The following ASAP2 variants were observed in gnomAD, a reference collection of about 807,000 sequenced individuals.
ASAP2 encodes the protein ArfGAP with SH3 domain, ankyrin repeat and PH domain 2.
Under a neutral mutation model 131.4 loss-of-function variants are expected in ASAP2, and 45 were observed. The observed-to-expected ratio is 0.34, with a 90% CI of 0.27 to 0.44. The LOEUF (loss-of-function observed/expected upper bound fraction) is 0.44, where lower values mean the gene tolerates loss of function less well. ASAP2 is among the 20% of genes least tolerant of loss of function. The pLI, the probability that ASAP2 is intolerant of heterozygous loss-of-function variation, is 1.00. For missense variants in ASAP2, 1,011 were observed against 1,297.0 expected (o/e 0.78, Z 3.39); for synonymous variants, 510 against 503.0 (o/e 1.01, Z -0.19).
Position 9,401,568 on chromosome 2 carries a change from C to G in ASAP2, c.2946+172C>G, listed in dbSNP as rs531642610. Among the ~76,000 whole-genome samples the G allele has an allele frequency of 1.2e-3, 185 of 152,286 alleles. 1 individual carries two copies. Among genetic ancestry groups the G allele is most frequent in the African/African-American group, 3.6e-3 (151 of 41,564 alleles). ...GGAGCTGCTTCCTCCATGGACACCCCCTTCTGAGCAGGCCTGATTATTCCC... is the reference window on the plus strand; with the variant it reads ...GGAGCTGCTTCCTCCATGGACACCCGCTTCTGAGCAGGCCTGATTATTCCC... On this transcript the variant is annotated intron_variant, in intron 27 of 27. Transcript: ENST00000281419.
intron 4 of ASAP2, among the ~76,000 whole-genome samples, chr2:9,319,086 G>A (rs765290857): frequency 4.1e-4 from 63 of 152,202 alleles, no homozygotes; most frequent in Admixed American, 6.5e-4. Flanking sequence ...TAAGCACGCA[G>A]GCCAGGAGCT....
At chr2:9,328,780 C>T (rs888949045) in intron 7 of ASAP2, among the ~76,000 whole-genome samples, 7 of 152,158 alleles carry the variant, frequency 4.6e-5, no homozygotes, top group Admixed American at 3.3e-4. Context: ...GGACCAGAGG[C>T]GAGAGACACA....
intron 1 of ASAP2, among the ~76,000 whole-genome samples, chr2:9,269,039 A>G (rs1310612073): frequency 6.6e-6 from 1 of 152,060 alleles, no homozygotes; most frequent in Non-Finnish European, 1.5e-5. Context: ...TGGATCCTTG[A>G]GGCCAGGGCT....
intron 1 of ASAP2, among the ~76,000 whole-genome samples, chr2:9,233,973 T>G (rs1663355653): frequency 6.6e-6 from 1 of 152,026 alleles, no homozygotes; most frequent in Non-Finnish European, 1.5e-5. Context: ...TAGCTGGTCG[T>G]GGTGACAGGC....
chr2:9,327,712 T>C (rs911505325), intron 6 of ASAP2, 114 bp from the exon 7 acceptor site: 2 of 710,896 alleles, frequency 2.8e-6, no homozygotes, highest in Non-Finnish European at 4.7e-6. Flanking sequence ...TCATGCACTC[T>C]ACGCATTGTA....
intron 15 of ASAP2, among the ~76,000 whole-genome samples, chr2:9,362,197 C>T (rs1183882806): frequency 6.6e-6 from 1 of 152,100 alleles, no homozygotes; most frequent in Non-Finnish European, 1.5e-5. Context: ...AGTTGCATGC[C>T]ATGCAGGGCC....
intron 18 of ASAP2, among the ~76,000 whole-genome samples, chr2:9,378,630 T>C (rs1355827759): frequency 6.6e-6 from 1 of 152,174 alleles, no homozygotes; most frequent in Non-Finnish European, 1.5e-5. Context: ...GACGCTGGGC[T>C]CTAGGTTCAC....
chr2:9,377,038 A>G, intron 18 of ASAP2, 45 bp downstream of exon 18: 1 of 1,541,100 alleles, frequency 6.5e-7, no homozygotes. Flanking sequence ...TCTCCTTGGT[A>G]TTTCTGGGGA....
intron 2 of ASAP2, among the ~76,000 whole-genome samples, chr2:9,295,016 T>C (rs1024242344): frequency 6.6e-6 from 1 of 152,162 alleles, no homozygotes; most frequent in Non-Finnish European, 1.5e-5. Flanking sequence ...ACCGCTAATT[T>C]TGAGATAGTT....
At chr2:9,375,585 G>A (rs894171742) in intron 17 of ASAP2, among the ~76,000 whole-genome samples, 3 of 152,150 alleles carry the variant, frequency 2.0e-5, no homozygotes, top group African/African-American at 4.8e-5. Context: ...TGAAATAGAC[G>A]CTATGTAGTC....
intron 2 of ASAP2, among the ~76,000 whole-genome samples, chr2:9,295,667 C>T (rs1668107673): frequency 6.6e-6 from 1 of 152,110 alleles, no homozygotes; most frequent in African/African-American, 2.4e-5. Flanking sequence ...TGTGTGTGCA[C>T]ATGTATGTTT....
intron 3 of ASAP2, among the ~76,000 whole-genome samples, chr2:9,298,516 G>C (rs1474821768): frequency 6.6e-6 from 1 of 152,174 alleles, no homozygotes; most frequent in Non-Finnish European, 1.5e-5. Flanking sequence ...AATCCCCTGG[G>C]GCTTTGGTCA....
In ASAP2 at chr2:9,263,299, A is replaced by G. The variant is rs192888170; in HGVS notation, c.127-16018A>G. 3.4e-5 allele frequency among the ~76,000 whole-genome samples: 5 copies of G among 148,452 alleles called. No homozygotes were observed. In the East Asian group the frequency reaches 1.0e-3, roughly 30 times the overall value. ...AGCTCAGTAATGTGGGTGTCAGGGA[A>G]CCCCAGGCCAGGCCCCCTTGTGCCA... is the stretch of plus-strand genomic sequence containing the variant. On this transcript the variant is annotated intron_variant, in intron 1 of 27. Coordinates refer to ENST00000281419, the MANE Select transcript of ASAP2 (RefSeq NM_003887.3).
Position 9,311,742 on chromosome 2 carries a change from C to T in ASAP2, c.346-6782C>T, listed in dbSNP as rs1175693316. On this transcript the variant is annotated intron_variant, in intron 3 of 27. Coordinates refer to ENST00000281419, the MANE Select transcript of ASAP2 (RefSeq NM_003887.3). This position sits in a 1 kb window ranked among gnomAD's most constrained non-coding sequence, Gnocchi z 5.2. ...GAGGCTGCTGGACACACAGAGGAAG[C>T]CCAGAGCCTGCCCGCCACTCAGGCT... Among the ~76,000 whole-genome samples the T allele has an allele frequency of 6.6e-6, 1 of 152,200 alleles. No homozygotes were observed. The highest frequency in any genetic ancestry group is 1.5e-5 in the Non-Finnish European group (1 of 68,036).
At chr2:9,306,162 G>A (rs372728171) in intron 3 of ASAP2, among the ~76,000 whole-genome samples, 10 of 151,170 alleles carry the variant, frequency 6.6e-5, no homozygotes, top group African/African-American at 2.4e-4. Context: ...ATGGGGTGGA[G>A]GGGCTCTAGG....
chr2:9,294,994 G>A (rs774539594), intron 2 of ASAP2, among the ~76,000 whole-genome samples: 1 of 152,078 alleles, frequency 6.6e-6, no homozygotes, highest in Non-Finnish European at 1.5e-5. Context: ...AAACTAAACT[G>A]CCCATGTCTT....
chr2:9,235,498 G>A (rs1663485650), intron 1 of ASAP2, among the ~76,000 whole-genome samples: 1 of 152,210 alleles, frequency 6.6e-6, no homozygotes, highest in Non-Finnish European at 1.5e-5. Context: ...TCATCCTGCA[G>A]CAGTTCTGTC....
At chr2:9,224,290 C>A (rs1662616875) in intron 1 of ASAP2, among the ~76,000 whole-genome samples, 1 of 152,098 alleles carries the variant, frequency 6.6e-6, no homozygotes, top group African/African-American at 2.4e-5. Flanking sequence ...TCCAGAGATC[C>A]CCCTGTTTGC....
intron 1 of ASAP2, among the ~76,000 whole-genome samples, chr2:9,227,948 G>A (rs1223729754): frequency 6.6e-6 from 1 of 152,176 alleles, no homozygotes. Context: ...AATAGTACTG[G>A]TTACTGTTAA....
Sources: gnomAD v4.1 joint callset for allele counts (sites outside exome capture counted in the v4.1 genomes callset) on GRCh38, gnomAD v4.1.1 for gene constraint, Gnocchi (gnomAD v3.1) non-coding constraint, MANE v1.5 for transcripts, NCBI Gene and HGNC (gene_info 2026-07-23, HGNC 2026-07-21) for gene names.